C19orf44: variants seen among roughly 807,000 people sequenced by gnomAD.
The protein encoded by C19orf44 is chromosome 19 open reading frame 44, also known as uncharacterized protein C19orf44.
A neutral mutation model predicts 50.7 loss-of-function variants in C19orf44; 43 were observed. That is an observed-to-expected ratio of 0.85 (90% CI 0.66 to 1.09). The LOEUF (loss-of-function observed/expected upper bound fraction) is 1.09. Ranked by LOEUF, C19orf44 falls within the 50% of genes least tolerant of loss-of-function variation. C19orf44 has a pLI of 0.00. For synonymous variants in C19orf44, 298 were observed against 334.7 expected (o/e 0.89, Z 1.20); for missense variants, 722 against 836.2 (o/e 0.86, Z 1.68).
Position 16,509,777 on chromosome 19 carries a change from A to G in C19orf44, c.1428A>G (p.Pro476=), listed in dbSNP as rs1239725574. The part of the protein sequence containing the change: ...SAYSEDFENS[P]SLTASEPTAH... Reference sequence around the variant, plus strand: ...ATTCGGAGGATTTTGAAAACTCTCCAAGTCTGACAGCATCTGAGCCAACCG... The same window carrying G: ...ATTCGGAGGATTTTGAAAACTCTCCGAGTCTGACAGCATCTGAGCCAACCG... Residue 476 remains proline (P), a synonymous_variant, in exon 5 of 9, where the codon CCA becomes CCG. Coordinates refer to ENST00000221671, the MANE Select transcript of C19orf44 (RefSeq NM_032207.4). 1.9e-6 allele frequency: 3 copies of G among 1,614,270 alleles called. No homozygotes were observed. The East Asian group carries it at 6.7e-5, about 36-fold the overall frequency.
At chr19:16,516,290 C>G (rs2093471566) in intron 7 of C19orf44, among the ~76,000 whole-genome samples, 1 of 151,964 alleles carries the variant, frequency 6.6e-6, no homozygotes, top group Non-Finnish European at 1.5e-5. Flanking sequence ...TACAAGAAAA[C>G]TAGTTTAAGT....
chr19:16,516,940 C>T (rs977768612), intron 7 of C19orf44, among the ~76,000 whole-genome samples: 4 of 152,236 alleles, frequency 2.6e-5, no homozygotes, highest in Non-Finnish European at 5.9e-5. Flanking sequence ...CACCATAGCT[C>T]CCAGCTGCTT....
At chr19:16,507,755 G>C (rs1225066287) in intron 4 of C19orf44, among the ~76,000 whole-genome samples, 1 of 151,732 alleles carries the variant, frequency 6.6e-6, no homozygotes, top group African/African-American at 2.4e-5. Flanking sequence ...GCCCCCCAAA[G>C]TGCTGGGATT....
Position 16,501,487 on chromosome 19 carries a change from A to G in C19orf44, c.695A>G (p.Lys232Arg), listed in dbSNP as rs201664638. 2.4e-5 allele frequency: 39 copies of G among 1,600,588 alleles called. No homozygotes were observed. Among genetic ancestry groups the G allele is most frequent in the Non-Finnish European group, 3.3e-5 (39 of 1,174,450 alleles). Residue 232 changes from lysine to arginine, a missense_variant, in exon 2 of 9, where the codon AAA becomes AGA. By Grantham distance (26) the Lys-to-Arg change is conservative (BLOSUM62 2). Transcript: ENST00000221671. Reference sequence around the variant, plus strand: ...AGCTTGATGGACTCTTCTAGAGAAAAAAACACGAATCAAGGCTTCAGCAGC... The same window carrying G: ...AGCTTGATGGACTCTTCTAGAGAAAGAAACACGAATCAAGGCTTCAGCAGC... Reference protein sequence around the residue: ...LGSLMDSSREKNTNQGFSSAN... With the variant: ...LGSLMDSSRERNTNQGFSSAN...
chr19:16,520,663 G>A lies in C19orf44; in HGVS notation c.*610G>A. ...ACGGTACCAAGTTCCTAAATAGTGTGGCCGAGCCTGCTGCTGTGTGAATTC... is the reference window on the plus strand; with the variant it reads ...ACGGTACCAAGTTCCTAAATAGTGTAGCCGAGCCTGCTGCTGTGTGAATTC... On this transcript the variant is annotated 3_prime_UTR_variant, in exon 9 of 9. Transcript: ENST00000221671. This position sits in a 1 kb window ranked among gnomAD's most constrained non-coding sequence, Gnocchi z 4.0. 8.8e-7 allele frequency: 1 copy of A among 1,135,326 alleles called. No homozygotes were observed. The highest frequency in any genetic ancestry group is 1.3e-6 in the Non-Finnish European group (1 of 777,608). 70.3% of individuals were successfully genotyped at this position (1,135,326 alleles called of 1,614,324 possible). A position where few individuals can be genotyped will look rare whatever the true frequency, so the allele number is the denominator to read the frequency against.
chr19:16,509,411 A>G, intron 4 of C19orf44, 88 bp from the exon 5 acceptor site: 1 of 1,489,980 alleles, frequency 6.7e-7, no homozygotes. Flanking sequence ...GGAGTGCTGC[A>G]GGTCCCCAGC....
intron 1 of C19orf44, among the ~76,000 whole-genome samples, chr19:16,499,880 C>A (rs2093420184): frequency 6.7e-6 from 1 of 150,360 alleles, no homozygotes. Flanking sequence ...ACCTCCACCT[C>A]CCGGGTTCAA....
In C19orf44 at chr19:16,509,556, A is replaced by G; in HGVS notation, c.1207A>G (p.Thr403Ala). 6.2e-7 allele frequency: 1 copy of G among 1,600,912 alleles called. No individual in the cohort carries two copies. The highest frequency in any genetic ancestry group is 8.5e-7 in the Non-Finnish European group (1 of 1,173,214). ...AGKIFRAEAS[T>A]GQDAPRQAQA... ...CAAAATCTTCAGAGCCGAGGCGTCC[A>G]CTGGGCAGGATGCCCCGAGGCAGGC... The change falls in exon 5 of 9, where the codon ACT becomes GCT. Residue 403 changes from threonine to alanine, a missense_variant. Coordinates refer to ENST00000221671, the MANE Select transcript of C19orf44 (RefSeq NM_032207.4).
chr19:16,517,372 C>A, intron 8 of C19orf44, 31 bp downstream of exon 8: 2 of 1,438,230 alleles, frequency 1.4e-6, no homozygotes, highest in Non-Finnish European at 1.9e-6. Context: ...AGTGCACACA[C>A]ACGCACACAA....
chr19:16,521,108 G>A lies in C19orf44; in HGVS notation c.*1055G>A. ...CTCCTGCAGCCCAGTGGCTCCTCTG[G>A]TGCCCACGCCCTTGCCACCCTGCTG... On this transcript the variant is annotated 3_prime_UTR_variant, in exon 9 of 9. Transcript: ENST00000221671. The A allele has an allele frequency of 1.6e-6, 1 of 620,356 alleles. No individual in the cohort carries two copies. The highest frequency in any genetic ancestry group is 2.9e-6 in the Non-Finnish European group (1 of 344,102). The allele number at this position is 620,356 out of a possible 1,614,324, so 38.4% of individuals were successfully genotyped here. A position where few individuals can be genotyped will look rare whatever the true frequency, so the allele number is the denominator to read the frequency against.
chr19:16,519,457 A>G lies in C19orf44; in HGVS notation c.*41-637A>G. The G allele has an allele frequency of 7.5e-7, 1 of 1,339,770 alleles. No homozygotes were observed. The highest frequency in any genetic ancestry group is 1.0e-6 in the Non-Finnish European group (1 of 963,784). 83.0% of individuals were successfully genotyped at this position (1,339,770 alleles called of 1,614,324 possible). A position where few individuals can be genotyped will look rare whatever the true frequency, so the allele number is the denominator to read the frequency against. On this transcript the variant is annotated intron_variant, in intron 8 of 8. Coordinates refer to ENST00000221671, the MANE Select transcript of C19orf44 (RefSeq NM_032207.4). The surrounding 1 kb of genome is among the most constrained non-coding windows in gnomAD (Gnocchi z 6.0). ...GGCAGTGTAGACATGGGAAATGGGT[A>G]GAGAGAACCCGCAGGCCGGCCCTGT...
At chr19:16,499,925 G>A (rs1170106865) in intron 1 of C19orf44, among the ~76,000 whole-genome samples, 1 of 151,770 alleles carries the variant, frequency 6.6e-6, no homozygotes, top group Non-Finnish European at 1.5e-5. Flanking sequence ...AAGTAGCTGG[G>A]ACTACAGGTG....
chr19:16,516,801 C>G (rs901418936), intron 7 of C19orf44, among the ~76,000 whole-genome samples: 2 of 152,204 alleles, frequency 1.3e-5, no homozygotes, highest in African/African-American at 4.8e-5. Context: ...GTGAGTCCCA[C>G]GGGTCTCTAC....
In C19orf44 at chr19:16,519,255, G is replaced by A. The variant is rs374260736; in HGVS notation, c.*41-839G>A. 144 of 1,613,890 alleles carry A rather than the reference G, an allele frequency of 8.9e-5. No homozygotes were observed. The highest frequency in any genetic ancestry group is 1.6e-4 in the Middle Eastern group (1 of 6,084). On this transcript the variant is annotated intron_variant, in intron 8 of 8. Coordinates refer to ENST00000221671, the MANE Select transcript of C19orf44 (RefSeq NM_032207.4). This position sits in a 1 kb window ranked among gnomAD's most constrained non-coding sequence, Gnocchi z 6.0. Reference sequence around the variant, plus strand: ...AGGGGTCATCCAGAGCCACGCCCACGCCTTTATACTGGTCCCACTTATCCC... The same window carrying A: ...AGGGGTCATCCAGAGCCACGCCCACACCTTTATACTGGTCCCACTTATCCC...
chr19:16,509,331 A>C (rs779570940), intron 4 of C19orf44, among the ~76,000 whole-genome samples, 168 bp from the exon 5 acceptor site: 1 of 152,130 alleles, frequency 6.6e-6, no homozygotes, highest in Non-Finnish European at 1.5e-5. Flanking sequence ...CGTACTGAAG[A>C]CGCCACAGTT....
rs532201910 is a variant in C19orf44 at position 16,519,147 on chromosome 19, C to T, written c.*41-947C>T. 7.7e-5 allele frequency: 124 copies of T among 1,608,744 alleles called. No individual in the cohort carries two copies. In the East Asian group the frequency reaches 1.8e-3, roughly 23 times the overall value. ...CACCGCTGGCCACCGGCGCGGCTCCCGGCATGGGCGCCTACTTACACTCGT... is the reference window on the plus strand; with the variant it reads ...CACCGCTGGCCACCGGCGCGGCTCCTGGCATGGGCGCCTACTTACACTCGT... On this transcript the variant is annotated intron_variant, in intron 8 of 8. Coordinates refer to ENST00000221671, the MANE Select transcript of C19orf44 (RefSeq NM_032207.4). This position sits in a 1 kb window ranked among gnomAD's most constrained non-coding sequence, Gnocchi z 6.0.
intron 3 of C19orf44, among the ~76,000 whole-genome samples, chr19:16,504,604 T>G (rs1195133563): frequency 8.6e-5 from 5 of 58,380 alleles, no homozygotes; most frequent in African/African-American, 4.6e-4. Context: ...CTTCTGTCTG[T>G]TTTTTTTTTT....
intron 7 of C19orf44, among the ~76,000 whole-genome samples, chr19:16,516,817 C>G (rs1219369370): frequency 6.6e-6 from 1 of 152,222 alleles, no homozygotes; most frequent in Non-Finnish European, 1.5e-5. Flanking sequence ...TCTACAATGT[C>G]AACTTTGCTC....
In C19orf44 at chr19:16,520,393, G is replaced by A. The variant is rs2085600190; in HGVS notation, c.*340G>A. 3.1e-6 allele frequency: 5 copies of A among 1,614,042 alleles called. No individual in the cohort carries two copies. Among genetic ancestry groups the A allele is most frequent in the Non-Finnish European group, 4.2e-6 (5 of 1,180,036 alleles). On this transcript the variant is annotated 3_prime_UTR_variant, in exon 9 of 9. Transcript: ENST00000221671. The surrounding 1 kb of genome is among the most constrained non-coding windows in gnomAD (Gnocchi z 4.0). ...ATCTGGAGCGGGAGTAGGAACGGGAGCAGGAGCGCGACCTTGACCTTGAGT... is the reference window on the plus strand; with the variant it reads ...ATCTGGAGCGGGAGTAGGAACGGGAACAGGAGCGCGACCTTGACCTTGAGT...
Sources: gnomAD v4.1 joint callset for allele counts (sites outside exome capture counted in the v4.1 genomes callset) on GRCh38, gnomAD v4.1.1 for gene constraint, Gnocchi (gnomAD v3.1) non-coding constraint, MANE v1.5 for transcripts, NCBI Gene and HGNC (gene_info 2026-07-23, HGNC 2026-07-21) for gene names.